The following GRAMD1B variants were observed in gnomAD, a reference collection of about 807,000 sequenced individuals.
The protein encoded by GRAMD1B is GRAM domain containing 1B.
GRAMD1B carries 37 observed loss-of-function variants against 99.7 expected under a neutral mutation model. The observed-to-expected ratio is 0.37, with a 90% CI of 0.29 to 0.49. The LOEUF is 0.49. Ranked by LOEUF, GRAMD1B falls within the 20% of genes least tolerant of loss-of-function variation. The pLI is 0.98. For synonymous variants in GRAMD1B, 427 were observed against 387.6 expected (o/e 1.10, Z -1.19); for missense variants, 888 against 1,009.2 (o/e 0.88, Z 1.63).
chr11:123,449,908 A>G (rs1949810724), intron 1 of GRAMD1B, among the ~76,000 whole-genome samples: 1 of 151,994 alleles, frequency 6.6e-6, no homozygotes, highest in African/African-American at 2.4e-5. Context: ...CTTTTTGTAG[A>G]GACAGGATCC....
intron 1 of GRAMD1B, among the ~76,000 whole-genome samples, chr11:123,389,929 C>A (rs11219126): frequency 1.3e-5 from 2 of 151,730 alleles, no homozygotes; most frequent in Non-Finnish European, 2.9e-5. Context: ...TAATGTTTTC[C>A]CATTTTTAGT....
chr11:123,461,949 A>G lies in GRAMD1B; in HGVS notation c.375-18867A>G, dbSNP rs1229690202. Among the ~76,000 whole-genome samples the G allele has an allele frequency of 4.3e-4, 56 of 129,990 alleles. 1 individual carries two copies. The Admixed American group carries it at 4.4e-3, about 10-fold the overall frequency. 85.3% of individuals were successfully genotyped at this position (129,990 alleles called of 152,430 possible). ...AGTGCAGGTTTTTTTTTTTTCTGGT[A>G]TGGTCATTTGTTTATTTCTTTTTTT... On this transcript the variant is annotated intron_variant, in intron 1 of 19. Coordinates refer to ENST00000635736, the MANE Select transcript of GRAMD1B (RefSeq NM_001387025.1).
chr11:123,551,695 C>G (rs1945633172), intron 2 of GRAMD1B, among the ~76,000 whole-genome samples: 1 of 152,176 alleles, frequency 6.6e-6, no homozygotes, highest in Admixed American at 6.5e-5. Context: ...AAATTAGATG[C>G]ATGCCCATGT....
intron 1 of GRAMD1B, among the ~76,000 whole-genome samples, chr11:123,463,526 G>A (rs1327481213): frequency 1.3e-5 from 2 of 152,210 alleles, no homozygotes; most frequent in Non-Finnish European, 2.9e-5. Context: ...ACTAAAGGAG[G>A]TGTTCTCTGA....
chr11:123,608,790 C>T lies in GRAMD1B; in HGVS notation c.1645C>T (p.Arg549Trp). The change falls in exon 12 of 20, where the codon CGG (arginine) becomes TGG (tryptophan). Residue 549 changes from arginine (R) to tryptophan (W), a missense_variant. Physicochemically the swap from Arg to Trp is moderately radical, Grantham distance 101 (BLOSUM62 -3). This residue lies in a region of GRAMD1B where 269 missense variants were observed against 296.6 expected (regional missense o/e 0.91). Coordinates refer to ENST00000635736, the MANE Select transcript of GRAMD1B (RefSeq NM_001387025.1). ...CTTCCAGCGGGATTTCATGGAGCAG[C>T]GGCGCTTCTCTGGTCCGTTCTGCTG... Reference protein sequence around the residue: ...SPFQRDFMEQRRFSDIIFHPW... With the variant: ...SPFQRDFMEQWRFSDIIFHPW... 1 of 1,548,096 alleles carries T rather than the reference C, an allele frequency of 6.5e-7. No individual in the cohort carries two copies. Among genetic ancestry groups the T allele is most frequent in the Non-Finnish European group, 8.7e-7 (1 of 1,144,710 alleles).
At chr11:123,443,249 A>G (rs1160972817) in intron 1 of GRAMD1B, among the ~76,000 whole-genome samples, 1 of 152,242 alleles carries the variant, frequency 6.6e-6, no homozygotes, top group Admixed American at 6.5e-5. Context: ...AAAAGATATT[A>G]AGGATACAGA....
In GRAMD1B at chr11:123,435,398, T is replaced by A. The variant is rs932967230; in HGVS notation, c.374+4232T>A. On this transcript the variant is annotated intron_variant, in intron 1 of 19. Transcript: ENST00000635736. The stretch of plus-strand genomic sequence containing the variant: ...TTCATTATTTGTTTCATTATTTGTT[T>A]GTTTGTTTGTTTTTTTACTTGTCAC... The A allele has an allele frequency of 1.3e-5, 9 of 700,004 alleles. No homozygotes were observed. The African/African-American group carries it at 1.4e-4, about 11-fold the overall frequency. 43.4% of individuals were successfully genotyped at this position (700,004 alleles called of 1,614,324 possible).
chr11:123,435,605 T>G (rs1949123185), intron 1 of GRAMD1B: 1 of 608,412 alleles, frequency 1.6e-6, no homozygotes, highest in Non-Finnish European at 2.9e-6. Context: ...CATGTTCATC[T>G]TTGTATCGTC....
intron 2 of GRAMD1B, among the ~76,000 whole-genome samples, chr11:123,529,709 AT>A (rs1943154204): frequency 6.6e-6 from 1 of 151,946 alleles, no homozygotes; most frequent in Non-Finnish European, 1.5e-5. Flanking sequence ...CTACATGGTT[AT>A]TTTTTTTCTT....
At chr11:123,477,336 A>T (rs1203883762) in intron 1 of GRAMD1B, among the ~76,000 whole-genome samples, 1 of 123,890 alleles carries the variant, frequency 8.1e-6, no homozygotes, top group Non-Finnish European at 1.7e-5. Context: ...CCCCTCCCCT[A>T]GCACAGTGCT....
At chr11:123,580,979 G>GT (rs903515321) in intron 3 of GRAMD1B, among the ~76,000 whole-genome samples, 1 of 148,464 alleles carries the variant, frequency 6.7e-6, no homozygotes, top group Non-Finnish European at 1.5e-5. Flanking sequence ...AGTAAGAATT[G>GT]TTTTTTATTT....
At chr11:123,583,586 T>C (rs1324459651) in intron 3 of GRAMD1B, among the ~76,000 whole-genome samples, 2 of 152,178 alleles carry the variant, frequency 1.3e-5, no homozygotes, top group Non-Finnish European at 2.9e-5. Context: ...TAGCTATCCC[T>C]CCTGTTCCCC....
chr11:123,614,874 C>A (rs777020802), intron 17 of GRAMD1B, 39 bp downstream of exon 17: 2 of 1,192,406 alleles, frequency 1.7e-6, no homozygotes, highest in Admixed American at 1.8e-5. Context: ...CCCTCACCAC[C>A]TTCCCTTTCC....
chr11:123,496,830 T>A (rs191510881), intron 2 of GRAMD1B, among the ~76,000 whole-genome samples: 92 of 152,236 alleles, frequency 6.0e-4, no homozygotes, highest in African/African-American at 2.2e-3. Flanking sequence ...TTTGTTAAAT[T>A]TATCTCATAG....
chr11:123,365,476 T>C (rs934690079), intron 1 of GRAMD1B, among the ~76,000 whole-genome samples: 17 of 152,218 alleles, frequency 1.1e-4, no homozygotes, highest in Admixed American at 2.6e-4. Context: ...GGTCTCGAAC[T>C]CCTGACCTCA....
At chr11:123,530,667 C>T (rs1299531195) in intron 2 of GRAMD1B, among the ~76,000 whole-genome samples, 1 of 152,232 alleles carries the variant, frequency 6.6e-6, no homozygotes, top group Non-Finnish European at 1.5e-5. Context: ...AGGCATGAGC[C>T]ATCGTGCCCA....
intron 1 of GRAMD1B, among the ~76,000 whole-genome samples, chr11:123,361,559 T>A (rs2135676673): frequency 6.6e-6 from 1 of 152,362 alleles, no homozygotes; most frequent in East Asian, 1.9e-4. Flanking sequence ...TGTGGACTGG[T>A]GCATCAGGAA....
chr11:123,541,342 A>G (rs190290558), intron 2 of GRAMD1B, among the ~76,000 whole-genome samples: 11 of 152,242 alleles, frequency 7.2e-5, no homozygotes, highest in Admixed American at 6.5e-4. Context: ...TCCAGCTTAC[A>G]CACCAAGCAG....
At chr11:123,457,949 C>G (rs1484209680) in intron 1 of GRAMD1B, among the ~76,000 whole-genome samples, 1 of 152,178 alleles carries the variant, frequency 6.6e-6, no homozygotes, top group Non-Finnish European at 1.5e-5. Flanking sequence ...CTCCTGGGCT[C>G]AAGGAATCCT....
Sources: allele counts gnomAD v4.1 joint callset (sites outside exome capture counted in the v4.1 genomes callset), GRCh38; gene constraint gnomAD v4.1.1; regional missense constraint gnomAD v4.1.1; transcripts MANE v1.5; gene names NCBI Gene and HGNC (gene_info 2026-07-23, HGNC 2026-07-21).